The following CACNB4 variants were observed in gnomAD, a reference collection of about 807,000 sequenced individuals.
The protein encoded by CACNB4 is calcium voltage-gated channel auxiliary subunit beta 4, also known as voltage-dependent L-type calcium channel subunit beta-4.
In CACNB4, 32 loss-of-function variants were observed where a neutral mutation model predicts 71.2. That is an observed-to-expected ratio of 0.45 (90% CI 0.34 to 0.60). The LOEUF (loss-of-function observed/expected upper bound fraction) is 0.60. Ranked by LOEUF, CACNB4 falls within the 20% of genes least tolerant of loss-of-function variation. The pLI, the probability that CACNB4 is intolerant of heterozygous loss-of-function variation, is 0.01. For missense variants in CACNB4, 464 were observed against 647.9 expected (o/e 0.72, Z 3.08); for synonymous variants, 231 against 236.9 (o/e 0.97, Z 0.23).
At chr2:151,898,311 CT>C (rs1429114337) in intron 2 of CACNB4, among the ~76,000 whole-genome samples, 1 of 152,198 alleles carries the variant, frequency 6.6e-6, no homozygotes, top group Non-Finnish European at 1.5e-5. Context: ...TGGGTTGCCC[CT>C]CCTCTTTATG....
intron 2 of CACNB4, among the ~76,000 whole-genome samples, chr2:152,058,985 C>T (rs886419189): frequency 1.3e-5 from 2 of 152,260 alleles, no homozygotes; most frequent in African/African-American, 4.8e-5. Context: ...GTGCAAGTCC[C>T]AAGCCTTGGC....
At chr2:152,094,460 C>A (rs1688154641) in intron 2 of CACNB4, among the ~76,000 whole-genome samples, 1 of 152,182 alleles carries the variant, frequency 6.6e-6, no homozygotes, top group Non-Finnish European at 1.5e-5. Flanking sequence ...GAAAAGTCAA[C>A]AAACTATTCC....
intron 2 of CACNB4, among the ~76,000 whole-genome samples, chr2:151,920,593 T>C (rs1204361469): frequency 6.6e-6 from 1 of 152,096 alleles, no homozygotes; most frequent in Non-Finnish European, 1.5e-5. Flanking sequence ...CCTCCCAAAG[T>C]GCTGGGGTTA....
At position 152,099,025 on chromosome 2, in the gene CACNB4, C is replaced by T. The variant is rs747039127; in HGVS notation, c.-14G>A. The T allele has an allele frequency of 7.3e-6, 11 of 1,515,120 alleles. No homozygotes were observed. The highest frequency in any genetic ancestry group is 4.7e-5 in the Admixed American group (2 of 42,610). The allele number at this position is 1,515,120 out of a possible 1,614,324, so 93.9% of individuals were successfully genotyped here. A position where few individuals can be genotyped will look rare whatever the true frequency, so the allele number is the denominator to read the frequency against. On this transcript the variant is annotated 5_prime_UTR_variant, in exon 1 of 14. Transcript: ENST00000539935. ...GGAGGAGGACATCGTTCAGAGCCGCCGCATGGCCAGCCCGTGTGCGGTGGG... is the reference window on the plus strand; with the variant it reads ...GGAGGAGGACATCGTTCAGAGCCGCTGCATGGCCAGCCCGTGTGCGGTGGG...
intron 2 of CACNB4, among the ~76,000 whole-genome samples, chr2:151,907,560 A>C (rs1490152214): frequency 1.3e-5 from 2 of 152,242 alleles, no homozygotes; most frequent in Non-Finnish European, 2.9e-5. Flanking sequence ...ATAAAACGCC[A>C]GTCTTTATCA....
intron 2 of CACNB4, among the ~76,000 whole-genome samples, chr2:151,898,123 G>A (rs1414222381): frequency 6.6e-6 from 1 of 152,214 alleles, no homozygotes; most frequent in African/African-American, 2.4e-5. Context: ...TGCAAGAAGT[G>A]TGTTTACTCA....
At chr2:152,093,891 T>A (rs1688121549) in intron 2 of CACNB4, among the ~76,000 whole-genome samples, 1 of 152,182 alleles carries the variant, frequency 6.6e-6, no homozygotes, top group Admixed American at 6.5e-5. Flanking sequence ...GGAGGCAATT[T>A]CTCCCCACTA....
intron 2 of CACNB4, among the ~76,000 whole-genome samples, chr2:151,966,662 A>G (rs1458760906): frequency 2.0e-5 from 3 of 152,168 alleles, no homozygotes; most frequent in Non-Finnish European, 2.9e-5. Context: ...TTTGGGGATT[A>G]CTGAATTCTT....
intron 12 of CACNB4, among the ~76,000 whole-genome samples, chr2:151,849,943 T>C (rs1284320932): frequency 6.6e-6 from 1 of 152,164 alleles, no homozygotes; most frequent in East Asian, 1.9e-4. Context: ...CCCATTTGTT[T>C]ACACACTGTC....
chr2:152,061,204 C>A (rs547835830), intron 2 of CACNB4, among the ~76,000 whole-genome samples: 1 of 151,708 alleles, frequency 6.6e-6, no homozygotes, highest in African/African-American at 2.4e-5. Flanking sequence ...CCCAGCTACT[C>A]GGGAGGCTAG....
chr2:152,020,606 T>G (rs912812142), intron 2 of CACNB4, among the ~76,000 whole-genome samples: 1 of 152,160 alleles, frequency 6.6e-6, no homozygotes, highest in Admixed American at 6.5e-5. Flanking sequence ...TACTATTCTT[T>G]TGATTTCAGA....
chr2:152,071,611 GTTGGT>G (rs1328798144), intron 2 of CACNB4, among the ~76,000 whole-genome samples: 2 of 152,120 alleles, frequency 1.3e-5, no homozygotes, highest in East Asian at 3.8e-4. Flanking sequence ...CTAAGATTTG[GTTGGT>G]TTGGTTTTTA....
intron 2 of CACNB4, among the ~76,000 whole-genome samples, chr2:151,993,144 GTTTT>G (rs751400236): frequency 1.3e-4 from 13 of 97,874 alleles, no homozygotes; most frequent in Non-Finnish European, 3.2e-4. Flanking sequence ...AGTAAGCCAC[GTTTT>G]TTGTTTTTTT....
chr2:152,094,099 GAGAAATCTA>G (rs1315860068), intron 2 of CACNB4, among the ~76,000 whole-genome samples: 2 of 152,358 alleles, frequency 1.3e-5, no homozygotes, highest in African/African-American at 4.8e-5. Context: ...GAATGTAACA[GAGAAATCTA>G]AGTACATGTT....
intron 2 of CACNB4, among the ~76,000 whole-genome samples, chr2:151,902,421 C>T (rs1048991567): frequency 7.9e-5 from 12 of 152,202 alleles, no homozygotes; most frequent in African/African-American, 2.7e-4. Context: ...TATTAACCCA[C>T]TGGCAAAGTC....
chr2:151,859,152 A>T (rs1039792321), intron 10 of CACNB4: 1 of 152,232 alleles, frequency 6.6e-6, no homozygotes, highest in African/African-American at 2.4e-5. Flanking sequence ...ATTAATTCCA[A>T]TGGTTGTGGG....
chr2:152,034,306 GA>G (rs936992840), intron 2 of CACNB4, among the ~76,000 whole-genome samples: 2 of 152,192 alleles, frequency 1.3e-5, no homozygotes, highest in African/African-American at 4.8e-5. Flanking sequence ...ACCTGCAGGG[GA>G]AGGAAAAGCA....
intron 2 of CACNB4, among the ~76,000 whole-genome samples, chr2:152,023,821 C>T (rs761263127): frequency 4.3e-4 from 66 of 152,182 alleles, no homozygotes; most frequent in Non-Finnish European, 7.3e-4. Context: ...ACAACTTAGG[C>T]GTACAACTCA....
In CACNB4 at chr2:152,002,201, G is replaced by T. The variant is rs1230807683; in HGVS notation, c.147+96129C>A. 2.6e-5 allele frequency among the ~76,000 whole-genome samples: 4 copies of T among 152,342 alleles called. No homozygotes were observed. The South Asian group carries it at 8.3e-4, about 32-fold the overall frequency. On this transcript the variant is annotated intron_variant, in intron 2 of 13. Transcript: ENST00000539935. Reference sequence around the variant, plus strand: ...TCAGCAGTGGCTGACTTGCAGTACAGCAACATTTTTAAAGAGAAGAGGCTT... The same window carrying T: ...TCAGCAGTGGCTGACTTGCAGTACATCAACATTTTTAAAGAGAAGAGGCTT...
Sources: gnomAD v4.1 joint callset for allele counts (sites outside exome capture counted in the v4.1 genomes callset) on GRCh38, gnomAD v4.1.1 for gene constraint, MANE v1.5 for transcripts, NCBI Gene and HGNC (gene_info 2026-07-23, HGNC 2026-07-21) for gene names.